Variants in KCMF1 observed in about 807,000 individuals in gnomAD.
The protein encoded by KCMF1 is E3 ubiquitin-protein ligase KCMF1.
KCMF1 carries 3 observed loss-of-function variants against 41.1 expected under a neutral mutation model. That is an observed-to-expected ratio of 0.07 (90% CI 0.03 to 0.19). The LOEUF (loss-of-function observed/expected upper bound fraction) is 0.19. Ranked by LOEUF, KCMF1 falls within the 10% of genes least tolerant of loss-of-function variation. KCMF1 has a pLI of 1.00. For missense variants in KCMF1, 286 were observed against 488.9 expected (o/e 0.58, Z 3.91); for synonymous variants, 142 against 164.5 (o/e 0.86, Z 1.04).
chr2:85,045,096 C>A (rs1675632107), intron 4 of KCMF1, among the ~76,000 whole-genome samples: 1 of 152,022 alleles, frequency 6.6e-6, no homozygotes, highest in Non-Finnish European at 1.5e-5. Context: ...AAATAATGAG[C>A]TCAGCTGGTG....
rs1409439132 is a variant in KCMF1, at chr2:85,058,952, C to T, written c.*5543C>T. On this transcript the variant is annotated 3_prime_UTR_variant, in exon 7 of 7. Transcript: ENST00000409785. ...TCTCCTTGTATATAAGGAGACCACA[C>T]CCTGTATATAAGGTTTTCTTGAGGT... The T allele has an allele frequency of 6.6e-6, 1 of 152,166 alleles. No homozygotes were observed. The highest frequency in any genetic ancestry group is 1.5e-5 in the Non-Finnish European group (1 of 68,030). 9.4% of individuals were successfully genotyped at this position (152,166 alleles called of 1,614,324 possible).
At chr2:84,976,397 G>GA in intron 1 of KCMF1, among the ~76,000 whole-genome samples, 1 of 151,880 alleles carries the variant, frequency 6.6e-6, no homozygotes, top group South Asian at 2.1e-4. Context: ...AGTGGAGACA[G>GA]GTTTCACCAT....
intron 1 of KCMF1, among the ~76,000 whole-genome samples, chr2:84,994,140 A>C (rs2076297366): frequency 6.7e-6 from 1 of 149,676 alleles, no homozygotes; most frequent in Admixed American, 6.7e-5. Context: ...GGTAGAGGCG[A>C]GGTTTCACCA....
At chr2:84,996,983 C>T (rs959110946) in intron 1 of KCMF1, among the ~76,000 whole-genome samples, 2 of 152,068 alleles carry the variant, frequency 1.3e-5, no homozygotes, top group African/African-American at 4.8e-5. Context: ...CAAACCTGTA[C>T]AGTATGTTAC....
intron 1 of KCMF1, 39 bp downstream of exon 1, chr2:84,971,506 C>G: frequency 8.6e-7 from 1 of 1,169,018 alleles, no homozygotes; most frequent in Non-Finnish European, 1.1e-6. Flanking sequence ...CCTCCCGGGC[C>G]TCGGCCTACC....
chr2:85,025,360 G>A (rs921113858), intron 1 of KCMF1, among the ~76,000 whole-genome samples: 33 of 152,028 alleles, frequency 2.2e-4, no homozygotes, highest in African/African-American at 7.7e-4. Flanking sequence ...TTTTATTGCA[G>A]TAAAATATAC....
Position 84,971,381 on chromosome 2 carries a change from G to GC in KCMF1, c.-70dup. ...GGGAGTCGGCCGGCCGGCGCGGGCA[G>GC]CGCCGGGACCCCGCGGGGGACACTG... On this transcript the variant is annotated 5_prime_UTR_variant, in exon 1 of 7. Transcript: ENST00000409785. 5.8e-6 allele frequency: 6 copies of GC among 1,036,768 alleles called. No individual in the cohort carries two copies. The highest frequency in any genetic ancestry group is 5.9e-6 in the Non-Finnish European group (5 of 852,072). 64.2% of individuals were successfully genotyped at this position (1,036,768 alleles called of 1,614,324 possible).
intron 2 of KCMF1, among the ~76,000 whole-genome samples, chr2:85,029,287 A>G (rs1464849126): frequency 6.6e-6 from 1 of 152,112 alleles, no homozygotes; most frequent in Non-Finnish European, 1.5e-5. Context: ...TAGTGACCAG[A>G]AAACAGATTG....
chr2:84,991,141 G>C (rs889184244), intron 1 of KCMF1, among the ~76,000 whole-genome samples: 12 of 152,266 alleles, frequency 7.9e-5, no homozygotes, highest in African/African-American at 2.4e-4. Context: ...TGAAGGTAGA[G>C]ACAATGAGGA....
Position 84,971,410 on chromosome 2 carries a change from C to A in KCMF1, c.-42C>A. 8.4e-7 allele frequency: 1 copy of A among 1,191,682 alleles called. No individual in the cohort carries two copies. 73.8% of individuals were successfully genotyped at this position (1,191,682 alleles called of 1,614,324 possible). A position where few individuals can be genotyped will look rare whatever the true frequency, so the allele number is the denominator to read the frequency against. ...CGGGACCCCGCGGGGGACACTGCAG[C>A]CGGAGCCCGGGAGGGGCCGCGCCGC... is the stretch of plus-strand genomic sequence containing the variant. On this transcript the variant is annotated 5_prime_UTR_variant, in exon 1 of 7. Coordinates refer to ENST00000409785, the MANE Select transcript of KCMF1 (RefSeq NM_020122.5).
At chr2:85,000,442 C>CT (rs1674300652) in intron 1 of KCMF1, among the ~76,000 whole-genome samples, 1 of 152,140 alleles carries the variant, frequency 6.6e-6, no homozygotes. Flanking sequence ...ATTTTTTAAT[C>CT]TCAATAAAAT....
intron 1 of KCMF1, among the ~76,000 whole-genome samples, chr2:84,977,627 T>C (rs1354727491): frequency 6.6e-6 from 1 of 151,772 alleles, no homozygotes; most frequent in Non-Finnish European, 1.5e-5. Context: ...CTTCCAGTAT[T>C]GCCTAGGCTG....
At chr2:85,006,299 T>C (rs927516595) in intron 1 of KCMF1, among the ~76,000 whole-genome samples, 16 of 135,514 alleles carry the variant, frequency 1.2e-4, no homozygotes, top group Non-Finnish European at 2.2e-4. Context: ...CATTTTCTTT[T>C]TTTTTTTTTT....
intron 1 of KCMF1, among the ~76,000 whole-genome samples, chr2:84,983,270 A>G (rs1673810463): frequency 6.6e-6 from 1 of 152,228 alleles, no homozygotes; most frequent in South Asian, 2.1e-4. Flanking sequence ...TACCATTTCA[A>G]CATGTAACTG....
rs1675906035 is a variant in KCMF1 at position 85,055,517 on chromosome 2, A to G, written c.*2108A>G. The G allele has an allele frequency of 6.6e-6, 1 of 152,204 alleles. No individual in the cohort carries two copies. Among genetic ancestry groups the G allele is most frequent in the South Asian group, 2.1e-4 (1 of 4,834 alleles). The allele number at this position is 152,204 out of a possible 1,614,324, so 9.4% of individuals were successfully genotyped here. ...TCAGAGCAGTTTAATTTAGATGATC[A>G]CTTTTAACACTGCAGAAGACCTAAG... is the stretch of plus-strand genomic sequence containing the variant. On this transcript the variant is annotated 3_prime_UTR_variant, in exon 7 of 7. Coordinates refer to ENST00000409785, the MANE Select transcript of KCMF1 (RefSeq NM_020122.5).
chr2:85,033,586 C>A (rs1675334830), intron 2 of KCMF1, among the ~76,000 whole-genome samples: 1 of 152,110 alleles, frequency 6.6e-6, no homozygotes, highest in Non-Finnish European at 1.5e-5. Context: ...TGACAGACAG[C>A]CTCCCTTTAA....
At chr2:85,014,372 T>C (rs1332865788) in intron 1 of KCMF1, among the ~76,000 whole-genome samples, 2 of 152,186 alleles carry the variant, frequency 1.3e-5, no homozygotes, top group Non-Finnish European at 2.9e-5. Context: ...TCAAAAGATA[T>C]GCTTCAGTAG....
chr2:85,006,057 AT>A (rs1157754345), intron 1 of KCMF1, among the ~76,000 whole-genome samples: 4 of 151,190 alleles, frequency 2.6e-5, no homozygotes, highest in South Asian at 2.1e-4. Flanking sequence ...CTATTTTTCT[AT>A]TTTTTTTCCC....
intron 1 of KCMF1, among the ~76,000 whole-genome samples, chr2:85,023,660 G>A (rs1308621932): frequency 6.6e-6 from 1 of 152,116 alleles, no homozygotes; most frequent in Non-Finnish European, 1.5e-5. Flanking sequence ...AAAAACTGCC[G>A]TCAACATTCT....
Sources: gnomAD v4.1 joint callset for allele counts (sites outside exome capture counted in the v4.1 genomes callset) on GRCh38, gnomAD v4.1.1 for gene constraint, MANE v1.5 for transcripts, NCBI Gene and HGNC (gene_info 2026-07-23, HGNC 2026-07-21) for gene names.